The following NFIB variants were observed in gnomAD, a reference collection of about 807,000 sequenced individuals.
NFIB encodes the protein nuclear factor 1 B-type.
Under a neutral mutation model 61.5 loss-of-function variants are expected in NFIB, and 11 were observed. The observed-to-expected ratio is 0.18, with a 90% CI of 0.11 to 0.30. The LOEUF is 0.30. Ranked by LOEUF, NFIB falls within the 10% of genes least tolerant of loss-of-function variation. The probability of loss-of-function intolerance (pLI) is 1.00; values close to 1 mark genes in which losing one functional copy is unlikely to be tolerated. For synonymous variants in NFIB, 260 were observed against 216.5 expected, an observed-to-expected ratio of 1.20 and a Z score of -1.76; for missense variants, 471 against 608.9, an observed-to-expected ratio of 0.77 and a Z score of 2.38.
intron 1 of NFIB, among the ~76,000 whole-genome samples, chr9:14,375,516 G>C (rs1009032728): frequency 6.6e-6 from 1 of 152,120 alleles, no homozygotes; most frequent in African/African-American, 2.4e-5. Flanking sequence ...AAATTATCTG[G>C]GCGTGGAGGT....
intron 1 of NFIB, chr9:14,362,847 G>A (rs2061255989): frequency 6.6e-6 from 1 of 152,038 alleles, no homozygotes; most frequent in East Asian, 1.9e-4. Context: ...AGTGAGCTGG[G>A]ATCCTGTCAC....
intron 7 of NFIB, among the ~76,000 whole-genome samples, chr9:14,124,638 A>C (rs2039397541): frequency 6.6e-6 from 1 of 152,204 alleles, no homozygotes; most frequent in Non-Finnish European, 1.5e-5. Flanking sequence ...TTTATATATA[A>C]AACTTTTTCC....
chr9:14,323,186 T>TC (rs2060703167), intron 1 of NFIB, among the ~76,000 whole-genome samples: 1 of 152,040 alleles, frequency 6.6e-6, no homozygotes, highest in South Asian at 2.1e-4. Context: ...TATTGATAGG[T>TC]AGTCACGCGA....
intron 3 of NFIB, among the ~76,000 whole-genome samples, chr9:14,167,287 A>G (rs1294102381): frequency 1.3e-5 from 2 of 152,170 alleles, no homozygotes; most frequent in African/African-American, 4.8e-5. Flanking sequence ...TCATGCCTGT[A>G]ATCCCAGCAC....
rs1407928262 is a variant in NFIB at position 14,084,996 on chromosome 9, A to G, written c.*3313T>C. On this transcript the variant is annotated 3_prime_UTR_variant, in exon 11 of 11. Coordinates refer to ENST00000380953, the MANE Select transcript of NFIB (RefSeq NM_001190737.2). ...AAGAGAGCGAGTCTGCCTTTAAAAAATACTGTGTGTCCTGTGAGGTTCATT... is the reference window on the plus strand; with the variant it reads ...AAGAGAGCGAGTCTGCCTTTAAAAAGTACTGTGTGTCCTGTGAGGTTCATT... The G allele has an allele frequency of 4.4e-6, 1 of 229,448 alleles. No individual in the cohort carries two copies. The highest frequency in any genetic ancestry group is 2.2e-5 in the African/African-American group (1 of 45,128). 14.2% of individuals were successfully genotyped at this position (229,448 alleles called of 1,614,324 possible).
intron 6 of NFIB, among the ~76,000 whole-genome samples, chr9:14,143,991 AGTGTGTGTGTGTGTGT>A (rs141101627): frequency 6.0e-5 from 8 of 134,150 alleles, no homozygotes; most frequent in South Asian, 2.7e-4. Context: ...AAAGTGACAG[AGTGTGTGTGTGTGTGT>A]GTGTGTGTGT....
At chr9:14,091,947 A>G (rs780591938) in intron 10 of NFIB, among the ~76,000 whole-genome samples, 47 of 152,026 alleles carry the variant, frequency 3.1e-4, no homozygotes, top group Non-Finnish European at 5.0e-4. Flanking sequence ...CAAAAATAAA[A>G]TGTTTGATAT....
At chr9:14,177,523 A>G (rs1326114256) in intron 3 of NFIB, among the ~76,000 whole-genome samples, 1 of 152,154 alleles carries the variant, frequency 6.6e-6, no homozygotes, top group Admixed American at 6.5e-5. Flanking sequence ...TCATAGTATT[A>G]TAATACACAA....
intron 1 of NFIB, among the ~76,000 whole-genome samples, chr9:14,330,844 C>T (rs2060813069): frequency 6.6e-6 from 1 of 152,060 alleles, no homozygotes. Context: ...AGGCTCCAGG[C>T]TCATTCATAG....
At chr9:14,225,729 T>C (rs1243186848) in intron 2 of NFIB, among the ~76,000 whole-genome samples, 1 of 152,082 alleles carries the variant, frequency 6.6e-6, no homozygotes, top group Non-Finnish European at 1.5e-5. Context: ...TATCAGAGTA[T>C]CAGGATTCAC....
intron 2 of NFIB, among the ~76,000 whole-genome samples, chr9:14,199,284 G>A (rs1442857788): frequency 6.6e-6 from 1 of 152,234 alleles, no homozygotes; most frequent in African/African-American, 2.4e-5. Context: ...AAGACAGGAA[G>A]CCGGGAGCTG....
intron 1 of NFIB, among the ~76,000 whole-genome samples, chr9:14,394,114 C>A (rs2061655409): frequency 6.6e-6 from 1 of 152,202 alleles, no homozygotes; most frequent in Non-Finnish European, 1.5e-5. Context: ...TTATGCAAAA[C>A]ACTGCAGATG....
Position 14,113,056 on chromosome 9 carries a change from T to C in NFIB, c.1410A>G (p.Gln470=). 6.5e-7 allele frequency: 1 copy of C among 1,550,264 alleles called. No individual in the cohort carries two copies. The highest frequency in any genetic ancestry group is 1.4e-5 in the African/African-American group (1 of 73,116). ...TEAYTASGTS[Q]ANRYVGLSPR... ...GGCTTAGTCCCACATATCGATTGGCTTGAGATGTGCCTGAGGCTGTGTAGG... is the reference window on the plus strand; with the variant it reads ...GGCTTAGTCCCACATATCGATTGGCCTGAGATGTGCCTGAGGCTGTGTAGG... The change falls in exon 10 of 11, where the codon CAA becomes CAG. Residue 470 remains glutamine, a synonymous_variant. Coordinates refer to ENST00000380953, the MANE Select transcript of NFIB (RefSeq NM_001190737.2).
At chr9:14,276,510 A>G (rs922295354) in intron 2 of NFIB, among the ~76,000 whole-genome samples, 5 of 152,158 alleles carry the variant, frequency 3.3e-5, no homozygotes, top group African/African-American at 1.2e-4. Flanking sequence ...CCTTTCTCAG[A>G]GAAGGCTGAA....
At chr9:14,391,381 G>A (rs1168612427) in intron 1 of NFIB, among the ~76,000 whole-genome samples, 1 of 149,168 alleles carries the variant, frequency 6.7e-6, no homozygotes, top group Non-Finnish European at 1.5e-5. Flanking sequence ...TGACCATTAG[G>A]TGATGATCAG....
the NFIB span, among the ~76,000 whole-genome samples, chr9:14,481,341 G>T: frequency 6.7e-6 from 1 of 148,742 alleles, no homozygotes; most frequent in Non-Finnish European, 1.5e-5. Context: ...GTTTAATAAG[G>T]CTTCCTTTGT....
chr9:14,485,402 A>G, the NFIB span, among the ~76,000 whole-genome samples: 1 of 152,232 alleles, frequency 6.6e-6, no homozygotes, highest in East Asian at 1.9e-4. Context: ...TATTTTTGTC[A>G]TGAGATGAAG....
At chr9:14,486,458 A>C in the NFIB span, among the ~76,000 whole-genome samples, 9 of 152,180 alleles carry the variant, frequency 5.9e-5, no homozygotes, top group African/African-American at 2.2e-4. Flanking sequence ...AAAACTGCTA[A>C]AAGGTGAAGT....
At chr9:14,295,504 G>GC (rs1314247525) in intron 2 of NFIB, among the ~76,000 whole-genome samples, 6 of 151,940 alleles carry the variant, frequency 3.9e-5, no homozygotes, top group African/African-American at 1.2e-4. Context: ...GGGGAAGGGC[G>GC]CCTGTAGTCC....
Sources: gnomAD v4.1 joint callset for allele counts (sites outside exome capture counted in the v4.1 genomes callset) on GRCh38, gnomAD v4.1.1 for gene constraint, MANE v1.5 for transcripts, NCBI Gene and HGNC (gene_info 2026-07-23, HGNC 2026-07-21) for gene names.